The following DGKB variants were observed in gnomAD, a reference collection of about 807,000 sequenced individuals.
DGKB encodes diacylglycerol kinase beta, also known as 90 kDa diacylglycerol kinase.
A neutral mutation model predicts 114.3 loss-of-function variants in DGKB; 67 were observed. That is an observed-to-expected ratio of 0.59 (90% confidence interval 0.48 to 0.72). The LOEUF (loss-of-function observed/expected upper bound fraction) is 0.72. Ranked by LOEUF, DGKB falls within the 30% of genes least tolerant of loss-of-function variation. DGKB has a pLI of 0.00. For missense variants in DGKB, 907 were observed against 975.2 expected (o/e 0.93, Z 0.93); for synonymous variants, 398 against 323.1 (o/e 1.23, Z -2.49).
chr7:14,939,535 T>C (rs945744570), intron 1 of DGKB, among the ~76,000 whole-genome samples: 26 of 152,090 alleles, frequency 1.7e-4, no homozygotes, highest in Non-Finnish European at 3.4e-4. Context: ...GTTGAAAGCA[T>C]GTTCCCTGCC....
At chr7:14,191,792 C>T (rs1043063392) in intron 23 of DGKB, 3 of 367,302 alleles carry the variant, frequency 8.2e-6, no homozygotes, top group Non-Finnish European at 1.1e-5. Context: ...CTTTCCTACT[C>T]AGGTGACTAT....
rs370699657 is a variant in DGKB at position 14,862,351 on chromosome 7, T to C, written c.-187-20901A>G. 6.5e-4 allele frequency among the ~76,000 whole-genome samples: 99 copies of C among 152,176 alleles called. 1 individual carries two copies. Among genetic ancestry groups the C allele is most frequent in the African/African-American group, 2.1e-3 (89 of 41,546 alleles). On this transcript the variant is annotated intron_variant, in intron 1 of 25. Coordinates refer to ENST00000402815, the MANE Select transcript of DGKB (RefSeq NM_001350709.2). The stretch of plus-strand genomic sequence containing the variant: ...ACCCTCTTATCAAATTTCAAGTAAA[T>C]AATCCAGTGTTCTTAACTATAATTA...
intron 16 of DGKB, among the ~76,000 whole-genome samples, chr7:14,608,651 C>T (rs1804959507): frequency 6.6e-6 from 1 of 151,964 alleles, no homozygotes; most frequent in Non-Finnish European, 1.5e-5. Flanking sequence ...TCTCTCTCTT[C>T]ATTGATAATG....
intron 2 of DGKB, among the ~76,000 whole-genome samples, chr7:14,768,987 T>A (rs190884590): frequency 6.6e-6 from 1 of 151,702 alleles, no homozygotes; most frequent in East Asian, 1.9e-4. Context: ...AACGAGATGA[T>A]TTATGATGTA....
intron 23 of DGKB, among the ~76,000 whole-genome samples, chr7:14,321,721 T>A (rs1040806163): frequency 6.6e-6 from 1 of 152,078 alleles, no homozygotes; most frequent in African/African-American, 2.4e-5. Flanking sequence ...AGTATTAGAA[T>A]TGATAAGTGA....
upstream of DGKB, among the ~76,000 whole-genome samples, chr7:14,907,100 G>C (rs568753719): frequency 6.6e-6 from 1 of 152,160 alleles, no homozygotes; most frequent in Non-Finnish European, 1.5e-5. Flanking sequence ...TTAAATCAAT[G>C]AATCAGTGGG....
chr7:14,872,802 TATATA>T lies in DGKB; in HGVS notation c.-188+29785_-188+29789del, dbSNP rs539186958. Among the ~76,000 whole-genome samples, 366 of 149,598 alleles carry T rather than the reference TATATA, an allele frequency of 2.4e-3. 2 individuals carry two copies. The highest frequency in any genetic ancestry group is 8.7e-3 in the African/African-American group (359 of 41,066). On this transcript the variant is annotated intron_variant, in intron 1 of 25. Coordinates refer to ENST00000402815, the MANE Select transcript of DGKB (RefSeq NM_001350709.2). ...TTTGATTGTTTATGTAACATATATG[TATATA>T]ATATAATTTATATTTATAATGTATA... is the stretch of plus-strand genomic sequence containing the variant.
intron 21 of DGKB, among the ~76,000 whole-genome samples, chr7:14,473,312 G>A (rs558060606): frequency 5.9e-5 from 9 of 152,288 alleles, no homozygotes; most frequent in African/African-American, 2.2e-4. Flanking sequence ...AGGGTGCAAG[G>A]CTCAAGCCTC....
intron 1 of DGKB, among the ~76,000 whole-genome samples, chr7:14,867,629 A>G (rs1401348737): frequency 6.6e-6 from 1 of 152,122 alleles, no homozygotes; most frequent in East Asian, 1.9e-4. Flanking sequence ...ATAAACCTCT[A>G]AATATGTATA....
At chr7:14,836,574 A>G (rs1429991725) in intron 2 of DGKB, among the ~76,000 whole-genome samples, 1 of 152,206 alleles carries the variant, frequency 6.6e-6, no homozygotes, top group Non-Finnish European at 1.5e-5. Context: ...CGACAGACCA[A>G]TAATGTGATA....
At chr7:14,892,969 C>T (rs1315347798) in intron 1 of DGKB, among the ~76,000 whole-genome samples, 1 of 149,098 alleles carries the variant, frequency 6.7e-6, no homozygotes, top group Non-Finnish European at 1.5e-5. Context: ...TGTATATATA[C>T]ATACATATAT....
chr7:14,436,034 C>T (rs989294734), intron 21 of DGKB, among the ~76,000 whole-genome samples: 2 of 151,972 alleles, frequency 1.3e-5, no homozygotes, highest in African/African-American at 2.4e-5. Flanking sequence ...AATCTAATGC[C>T]TAATTTTTCC....
chr7:14,175,473 T>G (rs557812813), intron 25 of DGKB, among the ~76,000 whole-genome samples: 1 of 152,316 alleles, frequency 6.6e-6, no homozygotes, highest in South Asian at 2.1e-4. Context: ...AAATTTTTCC[T>G]GTTCTACCTC....
In DGKB at chr7:14,543,418, G is replaced by A. The variant is rs62443521; in HGVS notation, c.1770+30794C>T. Among the ~76,000 whole-genome samples the A allele has an allele frequency of 9.5e-3, 1,443 of 151,896 alleles. 10 individuals are homozygous for A. The highest frequency in any genetic ancestry group is 0.031 in the Middle Eastern group (9 of 294). On this transcript the variant is annotated intron_variant, in intron 20 of 25. Coordinates refer to ENST00000402815, the MANE Select transcript of DGKB (RefSeq NM_001350709.2). Reference sequence around the variant, plus strand: ...CATAATTGCACCACTGCACTCCAGCGTGGACGACAGAGTGACACCCCATCT... The same window carrying A: ...CATAATTGCACCACTGCACTCCAGCATGGACGACAGAGTGACACCCCATCT...
chr7:14,621,336 C>CA (rs1285790055), intron 15 of DGKB, 42 bp downstream of exon 15: 1 of 1,253,992 alleles, frequency 8.0e-7, no homozygotes, highest in African/African-American at 1.5e-5. Context: ...CTAGAAGTAT[C>CA]AAATATGAAA....
chr7:14,164,051 A>C lies in DGKB; in HGVS notation c.2304+12788T>G, dbSNP rs113837926. ...AAATAAAAAACCTCACCACCACAAC[A>C]ACAACAAAAAATACTGTAGTATTTA... On this transcript the variant is annotated intron_variant, in intron 25 of 25. Coordinates refer to ENST00000402815, the MANE Select transcript of DGKB (RefSeq NM_001350709.2). Among the ~76,000 whole-genome samples, 238 of 152,184 alleles carry C rather than the reference A, an allele frequency of 1.6e-3. 2 individuals carry two copies. Among genetic ancestry groups the C allele is most frequent in the East Asian group, 8.1e-3 (42 of 5,182 alleles).
chr7:14,649,299 G>T (rs997380790), intron 13 of DGKB, among the ~76,000 whole-genome samples: 1 of 151,572 alleles, frequency 6.6e-6, no homozygotes, highest in Non-Finnish European at 1.5e-5. Flanking sequence ...CGGATCTCTC[G>T]GCAGAAACCC....
chr7:14,718,122 C>A (rs893618043), intron 6 of DGKB, among the ~76,000 whole-genome samples: 1 of 152,062 alleles, frequency 6.6e-6, no homozygotes, highest in African/African-American at 2.4e-5. Context: ...CTGAAGATTG[C>A]AAGGGAGATT....
intron 23 of DGKB, among the ~76,000 whole-genome samples, chr7:14,313,710 C>T (rs1230439890): frequency 6.6e-6 from 1 of 152,010 alleles, no homozygotes; most frequent in African/African-American, 2.4e-5. Context: ...GGGGGAGGGG[C>T]GCCCGCCATT....
Sources: allele counts gnomAD v4.1 joint callset (sites outside exome capture counted in the v4.1 genomes callset), GRCh38; gene constraint gnomAD v4.1.1; transcripts MANE v1.5; gene names NCBI Gene and HGNC (gene_info 2026-07-23, HGNC 2026-07-21).